DOCK9: variants seen among roughly 807,000 people sequenced by gnomAD.
The protein encoded by DOCK9 is dedicator of cytokinesis 9.
In DOCK9, 89 loss-of-function variants were observed where a neutral mutation model predicts 263.3. That is an observed-to-expected ratio of 0.34 (90% CI 0.28 to 0.40). DOCK9 has a LOEUF of 0.40. DOCK9 is among the 10% of genes least tolerant of loss of function. The pLI is 1.00. For synonymous variants in DOCK9, 976 were observed against 973.1 expected (o/e 1.00, Z -0.06); for missense variants, 2,140 against 2,603.4 (o/e 0.82, Z 3.87).
exon 1 of DOCK9, chr13:99,086,428 G>A: frequency 4.4e-6 from 4 of 913,346 alleles, no homozygotes; most frequent in Non-Finnish European, 3.9e-6. Flanking sequence ...GTGCGCCCTC[G>A]GCGCCCGGCC....
In DOCK9 at chr13:98,902,166, T is replaced by C. The variant is rs534449874; in HGVS notation, c.1380+122A>G. On this transcript the variant is annotated intron_variant, in intron 12 of 52. Transcript: ENST00000682017. ...TTTTACTGTCTAATAATAAATACTA[T>C]TAATTAAGAGTCTAATGACCCCACT... 195 of 1,080,894 alleles carry C rather than the reference T, an allele frequency of 1.8e-4. 1 individual carries two copies. The African/African-American group carries it at 2.8e-3, about 16-fold the overall frequency. The allele number at this position is 1,080,894 out of a possible 1,614,324, so 67.0% of individuals were successfully genotyped here.
At chr13:99,078,810 T>C (rs1365169716) in intron 1 of DOCK9, among the ~76,000 whole-genome samples, 1 of 152,182 alleles carries the variant, frequency 6.6e-6, no homozygotes, top group Non-Finnish European at 1.5e-5. Flanking sequence ...CATTCTCAAA[T>C]CATTTTCCTG....
chr13:99,082,115 A>T (rs1193268326), intron 1 of DOCK9, among the ~76,000 whole-genome samples: 2 of 152,188 alleles, frequency 1.3e-5, no homozygotes, highest in Non-Finnish European at 2.9e-5. Context: ...GCTACTCTGG[A>T]GGCTGAGGTA....
intron 1 of DOCK9, among the ~76,000 whole-genome samples, chr13:99,045,698 T>C (rs1195228615): frequency 6.6e-6 from 1 of 152,148 alleles, no homozygotes; most frequent in Non-Finnish European, 1.5e-5. Context: ...AACATCATGT[T>C]GTATACCCTA....
chr13:98,933,522 A>G (rs2054293739), intron 2 of DOCK9, among the ~76,000 whole-genome samples: 1 of 152,248 alleles, frequency 6.6e-6, no homozygotes, highest in Admixed American at 6.5e-5. Context: ...CACATTAACC[A>G]TTACTCATCA....
intron 1 of DOCK9, among the ~76,000 whole-genome samples, chr13:98,977,408 A>G (rs1875178218): frequency 6.6e-6 from 1 of 152,230 alleles, no homozygotes; most frequent in South Asian, 2.1e-4. Context: ...TAGCATAAAT[A>G]ACGTAGAAAA....
intron 19 of DOCK9, among the ~76,000 whole-genome samples, chr13:98,886,160 T>A (rs762370773): frequency 1.3e-5 from 2 of 152,130 alleles, no homozygotes; most frequent in African/African-American, 4.8e-5. Flanking sequence ...ATACAGTGGT[T>A]TCAATGAATT....
chr13:98,806,636 C>T (rs1482829371), intron 48 of DOCK9, among the ~76,000 whole-genome samples: 3 of 152,114 alleles, frequency 2.0e-5, no homozygotes, highest in South Asian at 4.1e-4. Flanking sequence ...GGGCCAGGCT[C>T]GGTGGCTCAC....
intron 9 of DOCK9, 40 bp from the exon 10 acceptor site, chr13:98,904,746 C>T (rs2048831862): frequency 6.6e-7 from 1 of 1,517,040 alleles, no homozygotes. Context: ...TAACACAATC[C>T]TTTTCTTGCA....
In DOCK9 at chr13:98,906,624, G is replaced by A. The variant is rs58456104; in HGVS notation, c.961-1918C>T. ...CACTCACAACCACAGCAGAAAAGGC[G>A]TCTTGTCTCTTCTGTTGGTGACAGA... On this transcript the variant is annotated intron_variant, in intron 9 of 52. Transcript: ENST00000682017. 3.8e-3 allele frequency among the ~76,000 whole-genome samples: 579 copies of A among 152,268 alleles called. 1 individual carries two copies. The highest frequency in any genetic ancestry group is 0.013 in the African/African-American group (537 of 41,538).
At chr13:98,955,208 C>A (rs186075436) in intron 2 of DOCK9, among the ~76,000 whole-genome samples, 10 of 152,214 alleles carry the variant, frequency 6.6e-5, no homozygotes, top group Non-Finnish European at 1.5e-4. Context: ...ATCCCAGTTA[C>A]TTGAGAGGCT....
intron 2 of DOCK9, among the ~76,000 whole-genome samples, chr13:98,939,523 G>A (rs2055466596): frequency 6.6e-6 from 1 of 152,130 alleles, no homozygotes; most frequent in African/African-American, 2.4e-5. Context: ...AGGACCTTAT[G>A]CATTTGTCAG....
chr13:98,820,332 C>A (rs764249010), intron 45 of DOCK9, among the ~76,000 whole-genome samples: 1 of 152,102 alleles, frequency 6.6e-6, no homozygotes, highest in Non-Finnish European at 1.5e-5. Context: ...AACAGCAAAC[C>A]GCCAACAAAA....
intron 1 of DOCK9, among the ~76,000 whole-genome samples, chr13:98,995,485 CTTTTTTTT>C (rs140398881): frequency 8.2e-6 from 1 of 121,468 alleles, no homozygotes; most frequent in East Asian, 2.5e-4. Flanking sequence ...GAGGAAGATA[CTTTTTTTT>C]TTTTTTTTTT....
chr13:98,856,051 A>AC lies in DOCK9; in HGVS notation c.3698-21dup, dbSNP rs370194392. On this transcript the variant is annotated intron_variant, in intron 33 of 52. Transcript: ENST00000682017. Reference sequence around the variant, plus strand: ...GAGAAGCTAAATGGAAATCAAGCCAACAATAAAGTTTTATTAAGACAGAAC... The same window carrying AC: ...GAGAAGCTAAATGGAAATCAAGCCAACCAATAAAGTTTTATTAAGACAGAAC... The AC allele has an allele frequency of 1.3e-4, 210 of 1,613,124 alleles. No individual in the cohort carries two copies. In the African/African-American group the frequency reaches 2.3e-3, roughly 18 times the overall value.
At position 99,056,634 on chromosome 13, in the gene DOCK9, A is replaced by G. The variant is rs982119972; in HGVS notation, c.129+29589T>C. On this transcript the variant is annotated intron_variant, in intron 1 of 32. Transcript: ENST00000427887. The stretch of plus-strand genomic sequence containing the variant: ...GGGGGCAACAAACTCCTCCCCCACC[A>G]ATTCTATTTTCTCAGCTAAAATAAA... Among the ~76,000 whole-genome samples, 4 of 152,158 alleles carry G rather than the reference A, an allele frequency of 2.6e-5. No individual in the cohort carries two copies. The East Asian group carries it at 7.7e-4, about 29-fold the overall frequency.
intron 1 of DOCK9, among the ~76,000 whole-genome samples, chr13:99,003,281 T>G (rs1882733265): frequency 6.6e-6 from 1 of 152,248 alleles, no homozygotes; most frequent in Non-Finnish European, 1.5e-5. Context: ...TTTCTTTAGC[T>G]AAGATTCTGT....
chr13:98,912,608 A>T, intron 9 of DOCK9, among the ~76,000 whole-genome samples: 1 of 151,988 alleles, frequency 6.6e-6, no homozygotes, highest in Non-Finnish European at 1.5e-5. Flanking sequence ...GTATACATTT[A>T]TATTAAATAT....
intron 38 of DOCK9, among the ~76,000 whole-genome samples, chr13:98,844,551 C>T (rs540547745): frequency 3.9e-5 from 6 of 152,032 alleles, no homozygotes; most frequent in East Asian, 1.9e-4. Context: ...TTAGTAGAGA[C>T]GGGGTTTCAC....
Sources: gnomAD v4.1 joint callset for allele counts (sites outside exome capture counted in the v4.1 genomes callset) on GRCh38, gnomAD v4.1.1 for gene constraint, MANE v1.5 for transcripts, NCBI Gene and HGNC (gene_info 2026-07-23, HGNC 2026-07-21) for gene names.